The following SIK3 variants were observed in gnomAD, a reference collection of about 807,000 sequenced individuals.
The protein encoded by SIK3 is SIK family kinase 3, also known as serine/threonine-protein kinase SIK3.
In SIK3, 28 loss-of-function variants were observed where a neutral mutation model predicts 144.2. The observed-to-expected ratio is 0.19, with a 90% CI of 0.14 to 0.27. SIK3 has a LOEUF of 0.27. Ranked by LOEUF, SIK3 falls within the 10% of genes least tolerant of loss-of-function variation. SIK3 has a pLI of 1.00. For missense variants in SIK3, 1,319 were observed against 1,776.0 expected, an observed-to-expected ratio of 0.74 and a Z score of 4.62; for synonymous variants, 686 against 676.3, an observed-to-expected ratio of 1.01 and a Z score of -0.22.
At chr11:116,933,404 G>A (rs1429559520) in intron 3 of SIK3, among the ~76,000 whole-genome samples, 2 of 152,302 alleles carry the variant, frequency 1.3e-5, no homozygotes, top group African/African-American at 4.8e-5. Flanking sequence ...CCCCCAAAGT[G>A]CTGGGATTAC....
At chr11:117,023,617 AAAAAAT>A (rs1393354194) in intron 1 of SIK3, among the ~76,000 whole-genome samples, 2,134 of 109,108 alleles carry the variant, frequency 0.02, 46 homozygotes, top group Middle Eastern at 0.039. Flanking sequence ...AACAAAAAAA[AAAAAAT>A]ATATATATAT....
chr11:116,930,504 A>G (rs1947539869), intron 3 of SIK3, among the ~76,000 whole-genome samples: 1 of 152,236 alleles, frequency 6.6e-6, no homozygotes, highest in African/African-American at 2.4e-5. Flanking sequence ...GACTTAACAC[A>G]TAGTCACAGC....
At chr11:116,904,703 T>C (rs1007366050) in intron 4 of SIK3, 7 of 152,248 alleles carry the variant, frequency 4.6e-5, no homozygotes, top group Admixed American at 2.0e-4. Context: ...AATATTTTCT[T>C]ATAAAATGTT....
intron 5 of SIK3, 54 bp downstream of exon 5, chr11:116,897,139 T>C: frequency 6.3e-7 from 1 of 1,577,804 alleles, no homozygotes; most frequent in Non-Finnish European, 8.6e-7. Flanking sequence ...CGAATAGCTG[T>C]CATCAACCAA....
intron 1 of SIK3, among the ~76,000 whole-genome samples, chr11:117,013,903 GGGGGGGGGGAGGGTGT>G (rs1379023164): frequency 3.8e-5 from 2 of 52,834 alleles, no homozygotes; most frequent in African/African-American, 1.2e-4. Flanking sequence ...ATTCTGAGGG[GGGGGGGGGGAGGGTGT>G]GTGTGTGTGT....
At chr11:116,887,546 G>C (rs567572460) in intron 6 of SIK3, among the ~76,000 whole-genome samples, 3 of 152,018 alleles carry the variant, frequency 2.0e-5, no homozygotes, top group Admixed American at 2.0e-4. Context: ...GAACCCAGGA[G>C]GCGGAAGTTG....
intron 1 of SIK3, among the ~76,000 whole-genome samples, chr11:117,077,523 G>GA (rs1181360256): frequency 1.3e-5 from 2 of 152,028 alleles, no homozygotes; most frequent in African/African-American, 4.8e-5. Flanking sequence ...GCTTTCTTTG[G>GA]AAAAAATCTT....
intron 4 of SIK3, among the ~76,000 whole-genome samples, chr11:116,924,085 G>A (rs1224538843): frequency 6.6e-6 from 1 of 152,030 alleles, no homozygotes; most frequent in African/African-American, 2.4e-5. Flanking sequence ...CCTGAGGTCA[G>A]GAGTTCAAGA....
intron 8 of SIK3, 36 bp downstream of exon 8, chr11:116,876,217 T>C: frequency 6.3e-7 from 1 of 1,585,080 alleles, no homozygotes; most frequent in Non-Finnish European, 8.6e-7. Flanking sequence ...GAGGAACTGC[T>C]ACATCCCACT....
At chr11:117,093,237 T>C (rs1051041942) in intron 1 of SIK3, among the ~76,000 whole-genome samples, 2 of 152,234 alleles carry the variant, frequency 1.3e-5, no homozygotes, top group East Asian at 3.9e-4. Context: ...GAAAGCATCA[T>C]CTCATGTGCT....
intron 15 of SIK3, 39 bp from the exon 16 acceptor site, chr11:116,863,857 A>G: frequency 6.5e-7 from 1 of 1,540,062 alleles, no homozygotes; most frequent in Non-Finnish European, 8.8e-7. Context: ...GCTAGGACTC[A>G]GGGGCTTTGA....
intron 3 of SIK3, among the ~76,000 whole-genome samples, chr11:116,931,653 T>G (rs1229949547): frequency 5.5e-4 from 84 of 152,192 alleles, no homozygotes; most frequent in Non-Finnish European, 1.5e-5. Context: ...TCATCTTAGG[T>G]GACTACCTGA....
At chr11:116,998,123 C>T (rs1229556882) in intron 1 of SIK3, among the ~76,000 whole-genome samples, 2 of 149,262 alleles carry the variant, frequency 1.3e-5, no homozygotes, top group East Asian at 3.9e-4. Flanking sequence ...AAGAAAACAA[C>T]AGTTTATGTT....
At chr11:116,856,930 T>C (rs1477370906) in intron 21 of SIK3, 1 of 152,202 alleles carries the variant, frequency 6.6e-6, no homozygotes, top group Non-Finnish European at 1.5e-5. Context: ...AGTTTACAGA[T>C]AAATTGCTTT....
At chr11:117,026,249 T>C (rs1340513916) in intron 1 of SIK3, among the ~76,000 whole-genome samples, 1 of 152,180 alleles carries the variant, frequency 6.6e-6, no homozygotes, top group Admixed American at 6.6e-5. Context: ...TGTATAGGTT[T>C]GTAGCCTAGG....
At chr11:116,972,301 G>A (rs1949792413) in intron 1 of SIK3, among the ~76,000 whole-genome samples, 1 of 152,128 alleles carries the variant, frequency 6.6e-6, no homozygotes, top group African/African-American at 2.4e-5. Context: ...ACTTCATTAT[G>A]TTTTGCTCCT....
At chr11:117,081,706 G>GA (rs1158802774) in intron 1 of SIK3, among the ~76,000 whole-genome samples, 10 of 152,270 alleles carry the variant, frequency 6.6e-5, no homozygotes, top group African/African-American at 2.4e-4. Context: ...GAACATGGGA[G>GA]AAAGTACAGA....
intron 1 of SIK3, among the ~76,000 whole-genome samples, chr11:117,030,518 T>A (rs1274470965): frequency 6.6e-6 from 1 of 152,202 alleles, no homozygotes; most frequent in African/African-American, 2.4e-5. Flanking sequence ...TTCAGTTAAC[T>A]ATATAATATA....
At chr11:117,007,223 T>C (rs981190482) in intron 1 of SIK3, among the ~76,000 whole-genome samples, 2 of 151,900 alleles carry the variant, frequency 1.3e-5, no homozygotes, top group African/African-American at 4.8e-5. Context: ...ACTAAAAATA[T>C]AAAAATTATC....
Sources: allele counts gnomAD v4.1 joint callset (sites outside exome capture counted in the v4.1 genomes callset), GRCh38; gene constraint gnomAD v4.1.1; transcripts MANE v1.5; gene names NCBI Gene and HGNC (gene_info 2026-07-23, HGNC 2026-07-21).